The following COG7 variants were observed in gnomAD, a reference collection of about 807,000 sequenced individuals.
COG7 encodes component of oligomeric golgi complex 7.
COG7 carries 49 observed loss-of-function variants against 91.5 expected under a neutral mutation model. That is an observed-to-expected ratio of 0.54 (90% CI 0.43 to 0.68). The LOEUF is 0.68. Ranked by LOEUF, COG7 falls within the 30% of genes least tolerant of loss-of-function variation. The pLI is 0.00. For synonymous variants in COG7, 365 were observed against 388.7 expected (o/e 0.94, Z 0.72); for missense variants, 895 against 961.3 (o/e 0.93, Z 0.91).
In COG7 at chr16:23,452,985, A is replaced by G; in HGVS notation, c.10T>C (p.Ser4Pro). ...TCGAAGTCGTCTGCCAGGAACTTGG[A>G]GAAGTCCATGGCGGAACTGCCTCAG... Reference protein sequence around the residue: MDFSKFLADDFDVK... With the variant: MDFPKFLADDFDVK... Residue 4 changes from serine (S) to proline (P), a missense_variant, in exon 1 of 17, where the codon TCC becomes CCC. By Grantham distance (74) the Ser-to-Pro change is moderately conservative (BLOSUM62 -1). Coordinates refer to ENST00000307149, the MANE Select transcript of COG7 (RefSeq NM_153603.4). 1 of 1,614,082 alleles carries G rather than the reference A, an allele frequency of 6.2e-7. No individual in the cohort carries two copies. Among genetic ancestry groups the G allele is most frequent in the Non-Finnish European group, 8.5e-7 (1 of 1,179,946 alleles).
At chr16:23,421,290 G>GT (rs1963752450) in intron 7 of COG7, among the ~76,000 whole-genome samples, 1 of 151,602 alleles carries the variant, frequency 6.6e-6, no homozygotes, top group Non-Finnish European at 1.5e-5. Flanking sequence ...ATAAGCAATG[G>GT]TAAAAATTCC....
At chr16:23,420,222 A>AAT (rs1963732280) in intron 7 of COG7, among the ~76,000 whole-genome samples, 1 of 152,250 alleles carries the variant, frequency 6.6e-6, no homozygotes, top group South Asian at 2.1e-4. Flanking sequence ...GCTGTATCAG[A>AAT]ATGTAAATGT....
At chr16:23,403,954 A>T (rs978505204) in intron 12 of COG7, 120 bp from the exon 13 acceptor site, 1 of 1,207,022 alleles carries the variant, frequency 8.3e-7, no homozygotes, top group Non-Finnish European at 1.2e-6. Context: ...GTGGTTCCCA[A>T]ACCTGGCTGT....
chr16:23,418,845 T>A lies in COG7; in HGVS notation c.1010-18A>T, dbSNP rs1180578007. The A allele has an allele frequency of 6.2e-7, 1 of 1,611,516 alleles. No individual in the cohort carries two copies. The highest frequency in any genetic ancestry group is 1.3e-5 in the African/African-American group (1 of 74,884). ...GTGTTCATCTTTAGGGAATCAGAAA[T>A]GTAAAACGATAATGAACAAAGAATC... On this transcript the variant is annotated intron_variant, in intron 7 of 16. Transcript: ENST00000307149.
At position 23,445,202 on chromosome 16, in the gene COG7, G is replaced by A. The variant is rs368487161; in HGVS notation, c.319-38C>T. ...TGAGGGGTGAAAAATGAAGGGGTAGGTCCTTTTTCTCCATCTGCCACCAGG... is the reference window on the plus strand; with the variant it reads ...TGAGGGGTGAAAAATGAAGGGGTAGATCCTTTTTCTCCATCTGCCACCAGG... On this transcript the variant is annotated intron_variant, in intron 2 of 16. Coordinates refer to ENST00000307149, the MANE Select transcript of COG7 (RefSeq NM_153603.4). The A allele has an allele frequency of 6.4e-5, 91 of 1,416,888 alleles. No homozygotes were observed. The African/African-American group carries it at 1.2e-3, about 19-fold the overall frequency. 87.8% of individuals were successfully genotyped at this position (1,416,888 alleles called of 1,614,324 possible).
At position 23,442,466 on chromosome 16, in the gene COG7, C is replaced by G; in HGVS notation, c.604+11G>C. On this transcript the variant is annotated intron_variant, in intron 4 of 16. Transcript: ENST00000307149. Reference sequence around the variant, plus strand: ...AGATATACACAGAGATGAGAAGCAGCTAGCACTCACCTACAGCCTGAGAGG... The same window carrying G: ...AGATATACACAGAGATGAGAAGCAGGTAGCACTCACCTACAGCCTGAGAGG... 1.2e-6 allele frequency: 2 copies of G among 1,613,478 alleles called. No individual in the cohort carries two copies. The highest frequency in any genetic ancestry group is 1.7e-6 in the Non-Finnish European group (2 of 1,179,764).
chr16:23,452,968 G>C lies in COG7; in HGVS notation c.27C>G (p.Asp9Glu), dbSNP rs373356184. 7 of 1,613,956 alleles carry C rather than the reference G, an allele frequency of 4.3e-6. No homozygotes were observed. The highest frequency in any genetic ancestry group is 5.9e-6 in the Non-Finnish European group (7 of 1,179,954). The change falls in exon 1 of 17, where the codon GAC (aspartate) becomes GAG (glutamate). Residue 9 changes from aspartate to glutamate, a missense_variant. By Grantham distance (45) the Asp-to-Glu change is conservative. Coordinates refer to ENST00000307149, the MANE Select transcript of COG7 (RefSeq NM_153603.4). ...TGATCCACTCCTTCACGTCGAAGTC[G>C]TCTGCCAGGAACTTGGAGAAGTCCA... MDFSKFLA[D>E]DFDVKEWINA...
At chr16:23,427,931 C>A (rs1162276113) in intron 6 of COG7, among the ~76,000 whole-genome samples, 1 of 152,132 alleles carries the variant, frequency 6.6e-6, no homozygotes, top group African/African-American at 2.4e-5. Flanking sequence ...AATCCCAGCA[C>A]TTTGGGAGGC....
intron 7 of COG7, among the ~76,000 whole-genome samples, chr16:23,423,479 C>G (rs773476513): frequency 6.6e-6 from 1 of 152,208 alleles, no homozygotes; most frequent in Non-Finnish European, 1.5e-5. Flanking sequence ...TCCCACTGTG[C>G]TGCAGCAACT....
intron 7 of COG7, among the ~76,000 whole-genome samples, chr16:23,423,908 G>A (rs1963801246): frequency 6.6e-6 from 1 of 152,174 alleles, no homozygotes; most frequent in Non-Finnish European, 1.5e-5. Context: ...GGGGTGCTCT[G>A]CTCTCAGTCG....
At chr16:23,401,168 C>T (rs1042894854) in intron 13 of COG7, among the ~76,000 whole-genome samples, 2 of 152,124 alleles carry the variant, frequency 1.3e-5, no homozygotes, top group African/African-American at 2.4e-5. Flanking sequence ...TTTGTAGTCT[C>T]GGAATATAAA....
rs1964129005 is a variant in COG7 at position 23,443,130 on chromosome 16, A to G, written c.436-485T>C. On this transcript the variant is annotated intron_variant, in intron 3 of 16. Transcript: ENST00000307149. ...CTAACAAATTGGAAAAGTGTTTGAAAAATTATAATAGCTATTGTTGGTGAG... is the reference window on the plus strand; with the variant it reads ...CTAACAAATTGGAAAAGTGTTTGAAGAATTATAATAGCTATTGTTGGTGAG... 1.3e-5 allele frequency among the ~76,000 whole-genome samples: 2 copies of G among 152,220 alleles called. 1 individual carries two copies. Among genetic ancestry groups the G allele is most frequent in the South Asian group, 4.1e-4 (2 of 4,834 alleles).
At chr16:23,427,279 A>C (rs1006338947) in intron 6 of COG7, among the ~76,000 whole-genome samples, 1 of 151,852 alleles carries the variant, frequency 6.6e-6, no homozygotes, top group Non-Finnish European at 1.5e-5. Flanking sequence ...ACAAAAAAAA[A>C]CCAGGCTAGG....
intron 13 of COG7, among the ~76,000 whole-genome samples, chr16:23,401,493 G>T (rs1963376408): frequency 1.3e-5 from 2 of 152,220 alleles, no homozygotes; most frequent in Non-Finnish European, 2.9e-5. Context: ...GGGAAGCACT[G>T]AGGTTTCAGA....
chr16:23,425,010 T>A (rs28410463), intron 6 of COG7, 63 bp from the exon 7 acceptor site: 12 of 1,465,578 alleles, frequency 8.2e-6, no homozygotes, highest in East Asian at 4.9e-5. Flanking sequence ...CCACCTTTTT[T>A]AAAAAACTTT....
rs1963819070 is a variant in COG7 at position 23,424,850 on chromosome 16, T to C, written c.908A>G (p.Glu303Gly). 1 of 1,614,088 alleles carries C rather than the reference T, an allele frequency of 6.2e-7. No homozygotes were observed. Among genetic ancestry groups the C allele is most frequent in the African/African-American group, 1.3e-5 (1 of 74,948 alleles). The change falls in exon 7 of 17, where the codon GAG becomes GGG. Residue 303 changes from glutamate (E) to glycine (G), a missense_variant. Coordinates refer to ENST00000307149, the MANE Select transcript of COG7 (RefSeq NM_153603.4). ...SLPSCLSNGV[E>G]RAGPEQELTR... ...GAGCTCCTGCTCGGGCCCTGCCCTC[T>C]CCACGCCGTTGCTGAGGCAGGAGGG...
At position 23,424,766 on chromosome 16, in the gene COG7, G is replaced by C; in HGVS notation, c.992C>G (p.Ala331Gly). The C allele has an allele frequency of 6.2e-7, 1 of 1,614,210 alleles. No homozygotes were observed. Among genetic ancestry groups the C allele is most frequent in the Non-Finnish European group, 8.5e-7 (1 of 1,180,022 alleles). ...TAHFAKGLEMALLPHLHEHNL... is the reference protein window; with the variant it reads ...TAHFAKGLEMGLLPHLHEHNL... ...ATGTTTACGTAGGTGGGGGAGCAGT[G>C]CCATCTCCAAGCCCTTGGCGAAGTG... Residue 331 changes from alanine (A) to glycine (G), a missense_variant, in exon 7 of 17, where the codon GCA becomes GGA. Ala to Gly is a moderately conservative substitution (Grantham distance 60). Transcript: ENST00000307149.
intron 3 of COG7, 33 bp downstream of exon 3, chr16:23,445,015 C>T: frequency 1.3e-6 from 2 of 1,482,002 alleles, no homozygotes; most frequent in Non-Finnish European, 1.9e-6. Context: ...TGCTTAAATA[C>T]CTTTCATAAC....
chr16:23,404,530 A>T (rs190952127), intron 12 of COG7, among the ~76,000 whole-genome samples: 26 of 152,310 alleles, frequency 1.7e-4, no homozygotes, highest in Admixed American at 1.7e-3. Context: ...CAAGGTGCAA[A>T]GAGATGGGGA....
Sources: gnomAD v4.1 joint callset for allele counts (sites outside exome capture counted in the v4.1 genomes callset) on GRCh38, gnomAD v4.1.1 for gene constraint, MANE v1.5 for transcripts, NCBI Gene and HGNC (gene_info 2026-07-23, HGNC 2026-07-21) for gene names.